CADM2: variants seen among roughly 807,000 people sequenced by gnomAD.
CADM2 encodes immunoglobulin superfamily member 4D.
Under a neutral mutation model 49.8 loss-of-function variants are expected in CADM2, and 12 were observed. The observed-to-expected ratio is 0.24, with a 90% CI of 0.15 to 0.39. CADM2 has a LOEUF of 0.39. Among genes scored for constraint, CADM2 ranks in the 10% least tolerant of loss-of-function variants. The pLI, the probability that CADM2 is intolerant of heterozygous loss-of-function variation, is 1.00. For missense variants in CADM2, 378 were observed against 492.3 expected (o/e 0.77, Z 2.20); for synonymous variants, 214 against 175.4 (o/e 1.22, Z -1.74).
chr3:84,996,861 A>G (rs2107198827), intron 1 of CADM2, among the ~76,000 whole-genome samples: 1 of 152,238 alleles, frequency 6.6e-6, no homozygotes, highest in Non-Finnish European at 1.5e-5. Flanking sequence ...TTCCTTACAA[A>G]TAAGTTGAAT....
At chr3:84,984,708 A>C (rs892100528) in intron 1 of CADM2, among the ~76,000 whole-genome samples, 3 of 152,184 alleles carry the variant, frequency 2.0e-5, no homozygotes, top group Non-Finnish European at 4.4e-5. Context: ...TTGACACAGA[A>C]GACATTCTCA....
chr3:85,613,961 G>C (rs2063738613), intron 1 of CADM2, among the ~76,000 whole-genome samples: 1 of 151,374 alleles, frequency 6.6e-6, no homozygotes, highest in South Asian at 2.1e-4. Context: ...ATAAATAAAT[G>C]TTCATTTATT....
chr3:85,576,130 T>A (rs2062626972), intron 1 of CADM2, among the ~76,000 whole-genome samples: 1 of 152,328 alleles, frequency 6.6e-6, no homozygotes, highest in African/African-American at 2.4e-5. Flanking sequence ...GATTGTCAAC[T>A]TTGTTTTAAC....
At chr3:85,453,492 A>G (rs2037846823) in intron 1 of CADM2, among the ~76,000 whole-genome samples, 1 of 152,098 alleles carries the variant, frequency 6.6e-6, no homozygotes, top group South Asian at 2.1e-4. Context: ...CCTATAGTAC[A>G]TATTAGCATT....
intron 2 of CADM2, among the ~76,000 whole-genome samples, chr3:85,772,742 A>G (rs937164018): frequency 3.9e-5 from 6 of 152,070 alleles, no homozygotes; most frequent in African/African-American, 7.2e-5. Flanking sequence ...CTGACAGTCA[A>G]GAAGCATCTA....
At chr3:85,840,263 T>C (rs750451176) in intron 3 of CADM2, among the ~76,000 whole-genome samples, 22 of 151,840 alleles carry the variant, frequency 1.4e-4, no homozygotes, top group Non-Finnish European at 2.9e-4. Context: ...GTTTAATTAG[T>C]TTTTGAACCA....
At chr3:85,975,181 C>A (rs72912413) in intron 8 of CADM2, among the ~76,000 whole-genome samples, 6,008 of 151,378 alleles carry the variant, frequency 0.04, 395 homozygotes, top group African/African-American at 0.14. Context: ...CTAAAACCAT[C>A]AATTTATTTT....
At chr3:85,884,407 G>A (rs1311606177) in intron 4 of CADM2, among the ~76,000 whole-genome samples, 2 of 152,114 alleles carry the variant, frequency 1.3e-5, no homozygotes, top group Admixed American at 1.3e-4. Context: ...AAGTGACACT[G>A]GGACTATTTT....
At chr3:85,869,308 T>A (rs748477007) in intron 3 of CADM2, among the ~76,000 whole-genome samples, 2 of 152,286 alleles carry the variant, frequency 1.3e-5, no homozygotes, top group Middle Eastern at 3.4e-3. Context: ...AATTTAAATA[T>A]GGAATAAAAC....
intron 3 of CADM2, among the ~76,000 whole-genome samples, chr3:85,839,912 A>G (rs531787197): frequency 5.4e-4 from 82 of 152,038 alleles, no homozygotes; most frequent in African/African-American, 1.9e-3. Context: ...AAAGAGGAAC[A>G]ATAAGTGAAA....
chr3:85,888,060 A>T (rs968700594), intron 5 of CADM2, among the ~76,000 whole-genome samples: 1 of 152,164 alleles, frequency 6.6e-6, no homozygotes, highest in Admixed American at 6.5e-5. Flanking sequence ...CCTTCAATGA[A>T]TTACTTTATT....
chr3:85,600,209 C>A (rs1315623249), intron 1 of CADM2, among the ~76,000 whole-genome samples: 1 of 151,740 alleles, frequency 6.6e-6, no homozygotes, highest in Non-Finnish European at 1.5e-5. Flanking sequence ...ATGTACCCTG[C>A]CTCTCCACAA....
At chr3:85,330,811 A>G (rs35770259) in intron 1 of CADM2, among the ~76,000 whole-genome samples, 10,382 of 150,318 alleles carry the variant, frequency 0.069, 660 homozygotes, top group African/African-American at 0.17. Flanking sequence ...AAAAAAAAAA[A>G]TAGCTCGGCA....
intron 1 of CADM2, among the ~76,000 whole-genome samples, chr3:85,694,200 A>T (rs2066479599): frequency 6.6e-6 from 1 of 152,236 alleles, no homozygotes; most frequent in Non-Finnish European, 1.5e-5. Flanking sequence ...GTGTGTGTTA[A>T]CAGACTGAAT....
chr3:85,329,660 G>C (rs935715054), intron 1 of CADM2, among the ~76,000 whole-genome samples: 1 of 152,160 alleles, frequency 6.6e-6, no homozygotes, highest in African/African-American at 2.4e-5. Context: ...CAAATTATGT[G>C]TGTGTATAAA....
chr3:85,319,689 G>T (rs186510787), intron 1 of CADM2, among the ~76,000 whole-genome samples: 2 of 152,154 alleles, frequency 1.3e-5, no homozygotes, highest in Non-Finnish European at 2.9e-5. Flanking sequence ...ACGTATGCAG[G>T]AACAGAAAAC....
At chr3:85,092,787 T>G (rs969242015) in intron 1 of CADM2, among the ~76,000 whole-genome samples, 1 of 152,172 alleles carries the variant, frequency 6.6e-6, no homozygotes, top group African/African-American at 2.4e-5. Flanking sequence ...AGCTACTCTA[T>G]TCTTTAAGCC....
At chr3:85,946,080 G>A (rs1264935465) in intron 7 of CADM2, among the ~76,000 whole-genome samples, 4 of 152,104 alleles carry the variant, frequency 2.6e-5, no homozygotes, top group African/African-American at 4.8e-5. Context: ...CTTCAGCAAA[G>A]TCTCAGGATA....
At chr3:85,189,561 T>C (rs1243679993) in intron 1 of CADM2, among the ~76,000 whole-genome samples, 2 of 152,214 alleles carry the variant, frequency 1.3e-5, no homozygotes, top group Non-Finnish European at 2.9e-5. Flanking sequence ...TTTGTAGGCA[T>C]TACTTTGCCT....
Sources: allele counts gnomAD v4.1 joint callset (sites outside exome capture counted in the v4.1 genomes callset), GRCh38; gene constraint gnomAD v4.1.1; transcripts MANE v1.5; gene names NCBI Gene and HGNC (gene_info 2026-07-23, HGNC 2026-07-21).